Variants in TEX26 observed in about 807,000 individuals in gnomAD.
The protein encoded by TEX26 is testis-expressed protein 26.
A neutral mutation model predicts 35.3 loss-of-function variants in TEX26; 34 were observed. That is an observed-to-expected ratio of 0.96 (90% CI 0.73 to 1.28). The LOEUF is 1.28. Among genes scored for constraint, TEX26 ranks in the 50% most tolerant of loss-of-function variants. The probability of loss-of-function intolerance (pLI) is 0.00; values close to 1 mark genes in which losing one functional copy is unlikely to be tolerated. For missense variants in TEX26, 371 were observed against 330.1 expected, an observed-to-expected ratio of 1.12 and a Z score of -0.96; for synonymous variants, 136 against 111.8, an observed-to-expected ratio of 1.22 and a Z score of -1.36.
intron 4 of TEX26, among the ~76,000 whole-genome samples, chr13:30,958,284 T>A (rs1343818568): frequency 6.6e-6 from 1 of 152,252 alleles, no homozygotes. Context: ...AATGCAATTT[T>A]GGTCTTGCTT....
intron 2 of TEX26, among the ~76,000 whole-genome samples, chr13:30,947,215 A>G (rs1953744318): frequency 6.6e-6 from 1 of 152,192 alleles, no homozygotes; most frequent in African/African-American, 2.4e-5. Context: ...TTGCAACTGC[A>G]TCTTAATGAG....
At chr13:30,933,021 C>T (rs1953132249) in intron 1 of TEX26, 1 of 429,312 alleles carries the variant, frequency 2.3e-6, no homozygotes, top group Non-Finnish European at 4.2e-6. Flanking sequence ...TTTTTAAACA[C>T]TCGAGGAAGT....
At chr13:30,962,803 A>AC (rs1954393586) in intron 4 of TEX26, among the ~76,000 whole-genome samples, 1 of 149,084 alleles carries the variant, frequency 6.7e-6, no homozygotes, top group South Asian at 2.2e-4. Flanking sequence ...AATGGTCCTA[A>AC]TGGGTTGTTT....
intron 2 of TEX26, among the ~76,000 whole-genome samples, chr13:30,941,339 T>C (rs1190481396): frequency 6.6e-6 from 1 of 152,202 alleles, no homozygotes; most frequent in African/African-American, 2.4e-5. Context: ...CTGACTGTAA[T>C]GAAAGTGCCA....
chr13:30,957,687 G>A (rs777509692), intron 4 of TEX26, among the ~76,000 whole-genome samples: 47 of 152,186 alleles, frequency 3.1e-4, no homozygotes, highest in Non-Finnish European at 4.7e-4. Context: ...GCGGATGGAG[G>A]CAGGATCTGC....
chr13:30,939,781 A>C lies in TEX26; in HGVS notation c.146+3A>C. ...GGAGCAGTGCCTGCCTTAATTCGGT[A>C]GATCATTATTTGTGTTGGATTGATA... On this transcript the variant is annotated splice_donor_region_variant and intron_variant, in intron 2 of 6. Transcript: ENST00000380473. 6.2e-7 allele frequency: 1 copy of C among 1,612,570 alleles called. No homozygotes were observed. Among genetic ancestry groups the C allele is most frequent in the Non-Finnish European group, 8.5e-7 (1 of 1,178,654 alleles).
intron 4 of TEX26, among the ~76,000 whole-genome samples, chr13:30,960,752 T>C (rs138502692): frequency 5.3e-5 from 8 of 152,364 alleles, no homozygotes; most frequent in South Asian, 2.1e-4. Context: ...TCTTGCATTG[T>C]TTCCATTTTT....
At chr13:30,944,420 AT>A (rs556010911) in intron 2 of TEX26, among the ~76,000 whole-genome samples, 4 of 149,660 alleles carry the variant, frequency 2.7e-5, no homozygotes, top group South Asian at 2.1e-4. Flanking sequence ...TGTTTCATTG[AT>A]TTTTTTTTGC....
At position 30,975,036 on chromosome 13, in the gene TEX26, A is replaced by G. The variant is rs535211957; in HGVS notation, c.*129A>G. 37 of 603,198 alleles carry G rather than the reference A, an allele frequency of 6.1e-5. No homozygotes were observed. The Admixed American group carries it at 1.3e-3, about 21-fold the overall frequency. The allele number at this position is 603,198 out of a possible 1,614,324, so 37.4% of individuals were successfully genotyped here. ...CTTCAAGTATGATGTGATAGTCATG[A>G]ATTTGTGTCTTTTGCTCCGCTTTAT... is the stretch of plus-strand genomic sequence containing the variant. On this transcript the variant is annotated 3_prime_UTR_variant, in exon 7 of 7. Transcript: ENST00000380473.
intron 2 of TEX26, among the ~76,000 whole-genome samples, chr13:30,943,118 T>C (rs1013914945): frequency 6.6e-6 from 1 of 152,178 alleles, no homozygotes; most frequent in Non-Finnish European, 1.5e-5. Flanking sequence ...TTCTGATCCA[T>C]GAAACACATC....
intron 4 of TEX26, among the ~76,000 whole-genome samples, chr13:30,960,146 GTTGGATCGAGCC>G (rs927438391): frequency 1.3e-5 from 2 of 152,202 alleles, no homozygotes; most frequent in African/African-American, 4.8e-5. Context: ...CTACTGGATA[GTTGGATCGAGCC>G]TTAAATTATC....
Position 30,974,952 on chromosome 13 carries a change from A to C in TEX26, c.*45A>C. ...TGAAGAAAATCTGAAAATCAATGGA[A>C]GCACGAGGACATTCCTAGTCATTTT... On this transcript the variant is annotated 3_prime_UTR_variant, in exon 7 of 7. Transcript: ENST00000380473. 7.5e-7 allele frequency: 1 copy of C among 1,329,574 alleles called. No homozygotes were observed. The highest frequency in any genetic ancestry group is 1.0e-6 in the Non-Finnish European group (1 of 966,406). The allele number at this position is 1,329,574 out of a possible 1,614,324, so 82.4% of individuals were successfully genotyped here.
intron 1 of TEX26, among the ~76,000 whole-genome samples, chr13:30,934,518 G>A (rs373073031): frequency 2.0e-5 from 3 of 152,206 alleles, no homozygotes; most frequent in East Asian, 1.9e-4. Flanking sequence ...TCTGAAGGTC[G>A]AGAGCCTGAA....
intron 2 of TEX26, among the ~76,000 whole-genome samples, chr13:30,948,337 C>G (rs1217931831): frequency 6.6e-6 from 1 of 152,168 alleles, no homozygotes; most frequent in Non-Finnish European, 1.5e-5. Context: ...AATGGTTGAA[C>G]TAGTTTATAG....
chr13:30,948,243 G>T (rs1953790160), intron 2 of TEX26, among the ~76,000 whole-genome samples: 1 of 152,098 alleles, frequency 6.6e-6, no homozygotes, highest in African/African-American at 2.4e-5. Context: ...ACAATCCTTT[G>T]GGTACATACC....
chr13:30,942,868 AC>A (rs1274542875), intron 2 of TEX26, among the ~76,000 whole-genome samples: 2 of 151,904 alleles, frequency 1.3e-5, no homozygotes, highest in Non-Finnish European at 2.9e-5. Flanking sequence ...TTAAACCAGT[AC>A]CATGCTCTTT....
At chr13:30,961,078 A>C (rs915123537) in intron 4 of TEX26, among the ~76,000 whole-genome samples, 1 of 152,228 alleles carries the variant, frequency 6.6e-6, no homozygotes, top group Non-Finnish European at 1.5e-5. Context: ...CCAGAGAGGT[A>C]ATTCTGACTG....
chr13:30,971,048 T>C (rs1174062673), intron 6 of TEX26, among the ~76,000 whole-genome samples: 1 of 152,204 alleles, frequency 6.6e-6, no homozygotes, highest in African/African-American at 2.4e-5. Context: ...GCTTTCCTCT[T>C]TGGGGCTGCC....
chr13:30,943,412 G>C (rs1169579607), intron 2 of TEX26, among the ~76,000 whole-genome samples: 1 of 151,934 alleles, frequency 6.6e-6, no homozygotes, highest in Non-Finnish European at 1.5e-5. Context: ...TCAGCAAACA[G>C]CAATATTTTG....
Sources: allele counts gnomAD v4.1 joint callset (sites outside exome capture counted in the v4.1 genomes callset), GRCh38; gene constraint gnomAD v4.1.1; transcripts MANE v1.5; gene names NCBI Gene and HGNC (gene_info 2026-07-23, HGNC 2026-07-21).